Variants in ADAM17 observed in about 807,000 individuals in gnomAD.
ADAM17 encodes the protein disintegrin and metalloproteinase domain-containing protein 17.
A neutral mutation model predicts 96.7 loss-of-function variants in ADAM17; 39 were observed. That is an observed-to-expected ratio of 0.40 (90% confidence interval 0.31 to 0.53). The LOEUF (loss-of-function observed/expected upper bound fraction) is 0.53, where lower values mean the gene tolerates loss of function less well. Among genes scored for constraint, ADAM17 ranks in the 20% least tolerant of loss-of-function variants. The probability of loss-of-function intolerance (pLI) is 0.44; values close to 1 mark genes in which losing one functional copy is unlikely to be tolerated. For synonymous variants in ADAM17, 344 were observed against 359.2 expected (o/e 0.96, Z 0.48); for missense variants, 777 against 1,013.2 (o/e 0.77, Z 3.17).
chr2:9,546,741 C>A (rs990666068), intron 1 of ADAM17, among the ~76,000 whole-genome samples: 3 of 112,950 alleles, frequency 2.7e-5, no homozygotes, highest in African/African-American at 1.1e-4. Context: ...AATGGAGTCT[C>A]ACTCTGTCGC....
At chr2:9,497,684 T>C (rs1446982973) in intron 13 of ADAM17, among the ~76,000 whole-genome samples, 3 of 152,328 alleles carry the variant, frequency 2.0e-5, no homozygotes, top group East Asian at 3.9e-4. Flanking sequence ...GTTCCTTCAA[T>C]ATTAACAGAT....
chr2:9,502,373 G>A (rs544014255), intron 12 of ADAM17, 97 bp from the exon 13 acceptor site: 43 of 1,048,868 alleles, frequency 4.1e-5, no homozygotes, highest in African/African-American at 1.7e-4. Context: ...GAAGATCACC[G>A]GGGAAGACCT....
chr2:9,493,976 G>A, intron 15 of ADAM17, 151 bp from the exon 16 acceptor site: 1 of 605,220 alleles, frequency 1.7e-6, no homozygotes, highest in Non-Finnish European at 2.9e-6. Flanking sequence ...TCCGCGTAAT[G>A]AGTACCCAAG....
intron 14 of ADAM17, 154 bp from the exon 15 acceptor site, chr2:9,494,921 G>T: frequency 1.1e-6 from 1 of 884,736 alleles, no homozygotes; most frequent in Non-Finnish European, 1.6e-6. Context: ...CCCCACCAAG[G>T]AGTAGTTTCT....
intron 4 of ADAM17, among the ~76,000 whole-genome samples, chr2:9,534,088 G>A (rs1212042083): frequency 1.3e-5 from 2 of 152,194 alleles, no homozygotes; most frequent in African/African-American, 4.8e-5. Context: ...AAACAGTTGA[G>A]GCCAGGCACA....
chr2:9,518,108 G>A lies in ADAM17; in HGVS notation c.1097C>T (p.Pro366Leu), dbSNP rs1664145830. 6.3e-7 allele frequency: 1 copy of A among 1,587,194 alleles called. No individual in the cohort carries two copies. Among genetic ancestry groups the A allele is most frequent in the Non-Finnish European group, 8.5e-7 (1 of 1,171,174 alleles). ...CAAGAAATGGAAAAACTTACCCTTT[G>A]GACAAACACCTCCATGGCTGTTTGC... ...PRANSHGGVC[P>L]KAYYSPVGKK... Residue 366 changes from proline to leucine, a missense_variant, in exon 9 of 19, where the codon CCA becomes CTA. Pro to Leu is a moderately conservative substitution (Grantham distance 98). Transcript: ENST00000310823.
Position 9,496,824 on chromosome 2 carries a change from A to AC in ADAM17, c.1783+289dup, listed in dbSNP as rs1467184363. Among the ~76,000 whole-genome samples, 8 of 152,030 alleles carry AC rather than the reference A, an allele frequency of 5.3e-5. No individual in the cohort carries two copies. In the East Asian group the frequency reaches 9.6e-4, roughly 18 times the overall value. On this transcript the variant is annotated intron_variant, in intron 14 of 18. Transcript: ENST00000310823. ...GGAAGGCTAGGACACACCTCTACCT[A>AC]CCCACCCACTCACCCCCAACAAAAT...
Position 9,555,622 on chromosome 2 carries a change from CCG to C in ADAM17, c.-19_-18del, listed in dbSNP as rs1184287678. ...CTGCCTCATGTTCCCGGCCCCGCTA[CCG>C]ACTCCACCTCTCTGGGCAGCCTTCG... On this transcript the variant is annotated 5_prime_UTR_variant, in exon 1 of 19. Transcript: ENST00000310823. 2 of 1,547,964 alleles carry C rather than the reference CCG, an allele frequency of 1.3e-6. No homozygotes were observed. Among genetic ancestry groups the C allele is most frequent in the Non-Finnish European group, 1.7e-6 (2 of 1,144,120 alleles).
intron 4 of ADAM17, among the ~76,000 whole-genome samples, chr2:9,533,293 A>C (rs1460179698): frequency 6.6e-6 from 1 of 152,168 alleles, no homozygotes; most frequent in Non-Finnish European, 1.5e-5. Context: ...TCACGCCTTT[A>C]ATCTCAGCAC....
At position 9,490,030 on chromosome 2, in the gene ADAM17, AACTGTTTACCTGCAGGAAGTTCAAAC is replaced by A; in HGVS notation, c.*121_*146del. The A allele has an allele frequency of 6.9e-6, 5 of 725,830 alleles. No individual in the cohort carries two copies. The highest frequency in any genetic ancestry group is 1.1e-5 in the Non-Finnish European group (5 of 458,046). 45.0% of individuals were successfully genotyped at this position (725,830 alleles called of 1,614,324 possible). On this transcript the variant is annotated 3_prime_UTR_variant, in exon 19 of 19. Transcript: ENST00000310823. Reference sequence around the variant, plus strand: ...AAGGAGAAGGGCCAAACCACACAAGAACTGTTTACCTGCAGGAAGTTCAAACACATGACCAGCATCTGCTAAGTCAC... The same window carrying A: ...AAGGAGAAGGGCCAAACCACACAAGAACATGACCAGCATCTGCTAAGTCAC...
chr2:9,530,774 C>T (rs917835211), intron 4 of ADAM17, among the ~76,000 whole-genome samples: 9 of 151,916 alleles, frequency 5.9e-5, no homozygotes, highest in African/African-American at 2.2e-4. Flanking sequence ...AGGATGCATA[C>T]AGAAGTATTT....
intron 6 of ADAM17, 41 bp downstream of exon 6, chr2:9,526,070 A>C (rs375062931): frequency 6.4e-7 from 1 of 1,554,780 alleles, no homozygotes; most frequent in Non-Finnish European, 8.7e-7. Flanking sequence ...TACCCACCCA[A>C]ATTTTTTTTT....
At chr2:9,501,174 G>A (rs1048927410) in intron 13 of ADAM17, among the ~76,000 whole-genome samples, 3 of 152,028 alleles carry the variant, frequency 2.0e-5, no homozygotes, top group Admixed American at 6.6e-5. Flanking sequence ...GCTATTCACA[G>A]GAGAAATCTG....
At chr2:9,527,160 T>C (rs1664562624) in intron 5 of ADAM17, among the ~76,000 whole-genome samples, 1 of 151,922 alleles carries the variant, frequency 6.6e-6, no homozygotes, top group Admixed American at 6.6e-5. Context: ...CCATCTCCAC[T>C]AAAAATACAA....
intron 2 of ADAM17, among the ~76,000 whole-genome samples, chr2:9,539,442 GA>G (rs1003137255): frequency 6.6e-6 from 1 of 152,090 alleles, no homozygotes; most frequent in African/African-American, 2.4e-5. Flanking sequence ...TAACAAAAAG[GA>G]AATGAAACTT....
intron 4 of ADAM17, 102 bp downstream of exon 4, chr2:9,535,732 G>A (rs961317378): frequency 4.6e-6 from 3 of 658,458 alleles, no homozygotes; most frequent in South Asian, 2.8e-5. Flanking sequence ...AATACGAAGA[G>A]GAAAGAAATA....
intron 11 of ADAM17, among the ~76,000 whole-genome samples, chr2:9,506,453 G>A (rs1572907369): frequency 7.5e-6 from 1 of 133,090 alleles, no homozygotes; most frequent in African/African-American, 2.9e-5. Context: ...TGTAACCTCC[G>A]CCTCCCGGGT....
chr2:9,495,720 A>AAG (rs1454485207), intron 14 of ADAM17, among the ~76,000 whole-genome samples: 1 of 151,800 alleles, frequency 6.6e-6, no homozygotes, highest in Non-Finnish European at 1.5e-5. Context: ...TCAAAAAAAA[A>AAG]AAAAGAAAAC....
chr2:9,522,594 A>G (rs1664358301), intron 7 of ADAM17, among the ~76,000 whole-genome samples: 1 of 152,218 alleles, frequency 6.6e-6, no homozygotes. Context: ...TATAACTTAT[A>G]AAAATATGGT....
Sources: allele counts gnomAD v4.1 joint callset (sites outside exome capture counted in the v4.1 genomes callset), GRCh38; gene constraint gnomAD v4.1.1; transcripts MANE v1.5; gene names NCBI Gene and HGNC (gene_info 2026-07-23, HGNC 2026-07-21).